MAN2B1: variants seen among roughly 807,000 people sequenced by gnomAD.
MAN2B1 encodes the protein lysosomal alpha-mannosidase.
A neutral mutation model predicts 127.5 loss-of-function variants in MAN2B1; 99 were observed. The ratio of observed to expected loss-of-function variants is 0.78; its 90% CI spans 0.66 to 0.92. MAN2B1 has a LOEUF of 0.92. Among genes scored for constraint, MAN2B1 ranks in the 40% least tolerant of loss-of-function variants. The probability of loss-of-function intolerance (pLI) is 0.00; values close to 1 mark genes in which losing one functional copy is unlikely to be tolerated. For synonymous variants in MAN2B1, 573 were observed against 568.8 expected (o/e 1.01, Z -0.11); for missense variants, 1,304 against 1,384.8 (o/e 0.94, Z 0.93).
chr19:12,657,490 T>C lies in MAN2B1; in HGVS notation c.1375A>G (p.Asn459Asp), dbSNP rs1422027543. Residue 459 changes from asparagine to aspartate, a missense_variant, in exon 11 of 24, where the codon AAC (asparagine) becomes GAC (aspartate). Physicochemically the swap from Asn to Asp is conservative, Grantham distance 23 (BLOSUM62 1). Transcript: ENST00000456935. ...VSGTSRQHVA[N>D]DYARQLAAGW... The stretch of plus-strand genomic sequence containing the variant: ...GCCGCAAGCTGGCGCGCGTAGTCGT[T>C]GGCCACGTGCTGGCGGGAGGTGCCG... 1 of 1,571,074 alleles carries C rather than the reference T, an allele frequency of 6.4e-7. No homozygotes were observed. The highest frequency in any genetic ancestry group is 2.3e-5 in the East Asian group (1 of 42,650).
At chr19:12,663,510 C>G (rs1264010436) in intron 5 of MAN2B1, 48 bp from the exon 6 acceptor site, 1 of 1,607,356 alleles carries the variant, frequency 6.2e-7, no homozygotes, top group Non-Finnish European at 8.5e-7. Flanking sequence ...CCAGACCTTC[C>G]CTGGTTTCAA....
At chr19:12,660,829 G>A (rs1331772875) in intron 7 of MAN2B1, 3 of 219,190 alleles carry the variant, frequency 1.4e-5, no homozygotes, top group East Asian at 1.2e-4. Flanking sequence ...TACAATCTCC[G>A]CTCACTGCAA....
intron 7 of MAN2B1, 181 bp from the exon 8 acceptor site, chr19:12,658,691 T>A: frequency 9.6e-6 from 6 of 623,442 alleles, no homozygotes; most frequent in Non-Finnish European, 1.7e-5. Flanking sequence ...ACATGACCAC[T>A]AGCCTTTTTT....
chr19:12,660,942 A>T (rs1029085360), intron 7 of MAN2B1: 2 of 350,234 alleles, frequency 5.7e-6, no homozygotes, highest in Admixed American at 7.7e-5. Context: ...TATTTTTAGT[A>T]GAGACAGCGT....
Position 12,650,106 on chromosome 19 carries a change from C to G in MAN2B1, c.2163G>C (p.Val721=). The G allele has an allele frequency of 6.2e-7, 1 of 1,613,938 alleles. No homozygotes were observed. ...ELEWSVGPIP[V]GDTWGKEVIS... ...CTCTCCCAGCCTGTGCCACTCACCC[C>G]ACAGGTATCGGCCCCACCGACCACT... The change falls in exon 17 of 24, where the codon GTG becomes GTC. Residue 721 remains valine (V), a splice_region_variant and synonymous_variant. Coordinates refer to ENST00000456935, the MANE Select transcript of MAN2B1 (RefSeq NM_000528.4).
intron 10 of MAN2B1, chr19:12,657,799 C>CA (rs779503913): frequency 6.2e-4 from 377 of 606,982 alleles, no homozygotes; most frequent in Non-Finnish European, 9.7e-4. Flanking sequence ...ACTAAAAATA[C>CA]AAAAAATTAG....
At position 12,647,355 on chromosome 19, in the gene MAN2B1, C is replaced by T. The variant is rs2023713743; in HGVS notation, c.2821-20G>A. On this transcript the variant is annotated intron_variant, in intron 22 of 23. Coordinates refer to ENST00000456935, the MANE Select transcript of MAN2B1 (RefSeq NM_000528.4). The surrounding 1 kb of genome is among the most constrained non-coding windows in gnomAD (Gnocchi z 4.9). Reference sequence around the variant, plus strand: ...CAGGTCCTGCGGGGAAGGGGATGGGCCCAGATGAGTTGGGGCAAAGCCAGG... The same window carrying T: ...CAGGTCCTGCGGGGAAGGGGATGGGTCCAGATGAGTTGGGGCAAAGCCAGG... 1 of 1,612,114 alleles carries T rather than the reference C, an allele frequency of 6.2e-7. No homozygotes were observed. The highest frequency in any genetic ancestry group is 1.3e-5 in the African/African-American group (1 of 74,978).
Position 12,661,364 on chromosome 19 carries a change from G to T in MAN2B1, c.922C>A (p.Arg308Ser), listed in dbSNP as rs185112259. 2 of 1,611,296 alleles carry T rather than the reference G, an allele frequency of 1.2e-6. No homozygotes were observed. Among genetic ancestry groups the T allele is most frequent in the African/African-American group, 1.3e-5 (1 of 74,950 alleles). The change falls in exon 7 of 24, where the codon CGC (arginine) becomes AGC (serine). Residue 308 changes from arginine (R) to serine (S), a missense_variant. Arg to Ser is a moderately radical substitution (Grantham distance 110, BLOSUM62 -1). Transcript: ENST00000456935. Reference protein sequence around the residue: ...NVATAQGRYYRTNHTVMTMGS... With the variant: ...NVATAQGRYYSTNHTVMTMGS... The stretch of plus-strand genomic sequence containing the variant: ...ATGGTCATCACAGTGTGGTTGGTGC[G>T]GTAATACCGGCCCTGCAGGCAAGAG...
intron 16 of MAN2B1, 132 bp from the exon 17 acceptor site, chr19:12,650,354 ATTC>A (rs2023813413): frequency 3.1e-6 from 2 of 638,604 alleles, no homozygotes; most frequent in Admixed American, 2.5e-5. Context: ...CCGCCACATA[ATTC>A]TTTTTTTTTT....
chr19:12,657,633 T>C (rs967283864), intron 10 of MAN2B1, 78 bp from the exon 11 acceptor site: 2 of 1,267,878 alleles, frequency 1.6e-6, no homozygotes, highest in African/African-American at 1.5e-5. Flanking sequence ...GGTCCGGTGC[T>C]GGCGGGCAGG....
chr19:12,652,307 C>T (rs2023857152), intron 15 of MAN2B1, 37 bp from the exon 16 acceptor site: 1 of 1,609,200 alleles, frequency 6.2e-7, no homozygotes, highest in Non-Finnish European at 8.5e-7. Flanking sequence ...GTAAGGGGCC[C>T]TAGCTCCATG....
At position 12,658,460 on chromosome 19, in the gene MAN2B1, G is replaced by A; in HGVS notation, c.1077C>T (p.Tyr359=). 2 of 1,614,194 alleles carry A rather than the reference G, an allele frequency of 1.2e-6. No homozygotes were observed. The highest frequency in any genetic ancestry group is 2.7e-5 in the African/African-American group (2 of 75,052). Reference sequence around the variant, plus strand: ...GGTTGGCCTTGTTCAGCTCCCAGAGGTAACAAGCGGGGGTGGAGTAGAGAA... The same window carrying A: ...GGTTGGCCTTGTTCAGCTCCCAGAGATAACAAGCGGGGGTGGAGTAGAGAA... ...VHVLYSTPAC[Y]LWELNKANLT... The change falls in exon 8 of 24, where the codon TAC becomes TAT. Residue 359 remains tyrosine, a synonymous_variant. Coordinates refer to ENST00000456935, the MANE Select transcript of MAN2B1 (RefSeq NM_000528.4).
rs1357603827 is a variant in MAN2B1 at position 12,649,395 on chromosome 19, C to G, written c.2301G>C (p.Gln767His). The change falls in exon 19 of 24, where the codon CAG (glutamine) becomes CAC (histidine). Residue 767 changes from glutamine (Q) to histidine (H), a missense_variant. Physicochemically the swap from Gln to His is conservative, Grantham distance 24. Transcript: ENST00000456935. ...RDYRPTWKLNQTEPVAGNYYP... is the reference protein window; with the variant it reads ...RDYRPTWKLNHTEPVAGNYYP... ...AGTAGTTTCCTGCCACGGGCTCCGT[C>G]TGGTTCAGTTTCCAGGTGGGTCGAT... 1 of 1,610,898 alleles carries G rather than the reference C, an allele frequency of 6.2e-7. No homozygotes were observed. Among genetic ancestry groups the G allele is most frequent in the East Asian group, 2.2e-5 (1 of 44,664 alleles).
At chr19:12,657,418 C>T in intron 11 of MAN2B1, 28 bp downstream of exon 11, 1 of 1,537,646 alleles carries the variant, frequency 6.5e-7, no homozygotes, top group African/African-American at 1.4e-5. Context: ...TCTCCACCCC[C>T]GTGTCTCCCA....
chr19:12,658,411 C>G lies in MAN2B1; in HGVS notation c.1109+17G>C, dbSNP rs750188510. 1 of 1,614,114 alleles carries G rather than the reference C, an allele frequency of 6.2e-7. No homozygotes were observed. The highest frequency in any genetic ancestry group is 1.3e-5 in the African/African-American group (1 of 74,940). ...GGGCATGCCAACCCCCCCAAGCTCCCCAGTTTCCCCAAATACCAGGTGAGG... is the reference window on the plus strand; with the variant it reads ...GGGCATGCCAACCCCCCCAAGCTCCGCAGTTTCCCCAAATACCAGGTGAGG... On this transcript the variant is annotated intron_variant, in intron 8 of 23. Coordinates refer to ENST00000456935, the MANE Select transcript of MAN2B1 (RefSeq NM_000528.4).
chr19:12,653,865 T>G (rs538335104), intron 14 of MAN2B1, among the ~76,000 whole-genome samples: 3 of 151,132 alleles, frequency 2.0e-5, no homozygotes, highest in Non-Finnish European at 4.4e-5. Context: ...ACTACAAGTG[T>G]GTACCACCAC....
Position 12,664,787 on chromosome 19 carries a change from C to T in MAN2B1, c.630+5G>A, listed in dbSNP as rs1463229385. 2 of 1,611,538 alleles carry T rather than the reference C, an allele frequency of 1.2e-6. No individual in the cohort carries two copies. Among genetic ancestry groups the T allele is most frequent in the Admixed American group, 1.7e-5 (1 of 59,832 alleles). On this transcript the variant is annotated splice_donor_5th_base_variant and intron_variant, in intron 4 of 23. Coordinates refer to ENST00000456935, the MANE Select transcript of MAN2B1 (RefSeq NM_000528.4). Reference sequence around the variant, plus strand: ...AGTGGGCCCAAGAGAGGTCCCGGGTCGCACCTGCGCAAACAGCGAGGCCTG... The same window carrying T: ...AGTGGGCCCAAGAGAGGTCCCGGGTTGCACCTGCGCAAACAGCGAGGCCTG...
rs369122358 is a variant in MAN2B1, at chr19:12,647,371, C to G, written c.2821-36G>C. 1.2e-5 allele frequency: 19 copies of G among 1,612,246 alleles called. No individual in the cohort carries two copies. In the South Asian group the frequency reaches 1.6e-4, roughly 14 times the overall value. Reference sequence around the variant, plus strand: ...GGGGATGGGCCCAGATGAGTTGGGGCAAAGCCAGGTTTCTCTTCTCTCCCT... The same window carrying G: ...GGGGATGGGCCCAGATGAGTTGGGGGAAAGCCAGGTTTCTCTTCTCTCCCT... On this transcript the variant is annotated intron_variant, in intron 22 of 23. Transcript: ENST00000456935. The surrounding 1 kb of genome is among the most constrained non-coding windows in gnomAD (Gnocchi z 4.9).
rs1415257251 is a variant in MAN2B1 at position 12,666,625 on chromosome 19, C to A, written c.77G>T (p.Arg26Leu). The A allele has an allele frequency of 6.4e-7, 1 of 1,556,388 alleles. No homozygotes were observed. The highest frequency in any genetic ancestry group is 8.7e-7 in the Non-Finnish European group (1 of 1,150,138). Residue 26 changes from arginine (R) to leucine (L), a missense_variant, in exon 1 of 24, where the codon CGC (arginine) becomes CTC (leucine). Physicochemically the swap from Arg to Leu is moderately radical, Grantham distance 102. Transcript: ENST00000456935. Reference sequence around the variant, plus strand: ...AGGCGGGAGCGGTGGCCGCAGGGCGCGGGACATGGTCCAGGGGCCTGCTGA... The same window carrying A: ...AGGCGGGAGCGGTGGCCGCAGGGCGAGGGACATGGTCCAGGGGCCTGCTGA... ...LDSAGPWTMSRALRPPLPPLC... is the reference protein window; with the variant it reads ...LDSAGPWTMSLALRPPLPPLC...
Sources: allele counts gnomAD v4.1 joint callset (sites outside exome capture counted in the v4.1 genomes callset), GRCh38; gene constraint gnomAD v4.1.1; non-coding constraint Gnocchi (gnomAD v3.1); transcripts MANE v1.5; gene names NCBI Gene and HGNC (gene_info 2026-07-23, HGNC 2026-07-21).